RYR2: variants seen among roughly 807,000 people sequenced by gnomAD.
The protein encoded by RYR2 is ryanodine receptor 2.
Under a neutral mutation model 601.1 loss-of-function variants are expected in RYR2, and 227 were observed. The ratio of observed to expected loss-of-function variants is 0.38; its 90% CI spans 0.34 to 0.42. The LOEUF (loss-of-function observed/expected upper bound fraction) is 0.42. RYR2 is among the 10% of genes least tolerant of loss of function. RYR2 has a pLI of 1.00. For missense variants in RYR2, 4,646 were observed against 6,156.5 expected (o/e 0.75, Z 8.21); for synonymous variants, 2,223 against 2,175.1 (o/e 1.02, Z -0.61).
intron 25 of RYR2, among the ~76,000 whole-genome samples, chr1:237,538,236 A>T (rs889682509): frequency 1.3e-5 from 2 of 150,970 alleles, no homozygotes; most frequent in Admixed American, 6.6e-5. Flanking sequence ...CTAAAAATAA[A>T]AAAAAAAAAT....
At chr1:237,306,654 T>C (rs181086765) in intron 2 of RYR2, among the ~76,000 whole-genome samples, 2 of 152,376 alleles carry the variant, frequency 1.3e-5, no homozygotes, top group Admixed American at 1.3e-4. Flanking sequence ...GTGTGGGTTT[T>C]AGTTTTCATG....
rs533443202 is a variant in RYR2, at chr1:237,397,300, G to A, written c.773+9117G>A. 3.3e-5 allele frequency among the ~76,000 whole-genome samples: 5 copies of A among 152,072 alleles called. No individual in the cohort carries two copies. In the South Asian group the frequency reaches 1.0e-3, roughly 32 times the overall value. Reference sequence around the variant, plus strand: ...GTTAACAGAGAAGACAAAAATCTATGAAATATTTTACAGAGGTTAATTCTA... The same window carrying A: ...GTTAACAGAGAAGACAAAAATCTATAAAATATTTTACAGAGGTTAATTCTA... On this transcript the variant is annotated intron_variant, in intron 10 of 104. Transcript: ENST00000366574.
intron 1 of RYR2, among the ~76,000 whole-genome samples, chr1:237,132,606 A>C (rs1461850798): frequency 6.6e-6 from 1 of 152,214 alleles, no homozygotes; most frequent in Non-Finnish European, 1.5e-5. Context: ...AAAGAATGGC[A>C]AAAAATGACA....
chr1:237,615,077 C>A (rs1678323054), intron 37 of RYR2, among the ~76,000 whole-genome samples: 1 of 152,146 alleles, frequency 6.6e-6, no homozygotes, highest in Non-Finnish European at 1.5e-5. Context: ...GAAATACAAG[C>A]CATCAAATAC....
At chr1:237,469,024 A>C in intron 16 of RYR2, 68 bp from the exon 17 acceptor site, 2 of 1,269,982 alleles carry the variant, frequency 1.6e-6, no homozygotes, top group Admixed American at 1.7e-5. Flanking sequence ...TTAGGGCTGC[A>C]TATTAGCTTA....
At chr1:237,229,943 A>G (rs544479266) in intron 1 of RYR2, among the ~76,000 whole-genome samples, 24 of 152,232 alleles carry the variant, frequency 1.6e-4, no homozygotes, top group African/African-American at 5.5e-4. Flanking sequence ...GTGTGTGCTC[A>G]TATATAACGT....
chr1:237,827,735 GAGACCATCCTGGC>G lies in RYR2; in HGVS notation c.14591-645_14591-633del, dbSNP rs2102917158. On this transcript the variant is annotated intron_variant, in intron 101 of 104. Coordinates refer to ENST00000366574, the MANE Select transcript of RYR2 (RefSeq NM_001035.3). ...AGGCGGATCACAAGGCCAGGAGATC[GAGACCATCCTGGC>G]TAACACGGTGAAACCCTGTCTCTCC... Among the ~76,000 whole-genome samples, 3 of 151,514 alleles carry G rather than the reference GAGACCATCCTGGC, an allele frequency of 2.0e-5. 1 individual carries two copies. The South Asian group carries it at 6.3e-4, about 32-fold the overall frequency.
At chr1:237,064,699 T>C (rs564517814) in intron 1 of RYR2, among the ~76,000 whole-genome samples, 1 of 151,616 alleles carries the variant, frequency 6.6e-6, no homozygotes, top group African/African-American at 2.4e-5. Flanking sequence ...TGAGGTCTCA[T>C]GTGAATACCT....
chr1:237,779,506 G>A lies in RYR2; in HGVS notation c.11880+736G>A, dbSNP rs116785856. 7.7e-3 allele frequency among the ~76,000 whole-genome samples: 1,169 copies of A among 152,296 alleles called. 13 individuals carry two copies. Among genetic ancestry groups the A allele is most frequent in the African/African-American group, 0.026 (1,084 of 41,556 alleles). On this transcript the variant is annotated intron_variant, in intron 88 of 104. Transcript: ENST00000366574. ...CAGGTAGAAGAATGTCAGATTAAAA[G>A]ACAGAATGCTGTCATTCTAATTCCT...
chr1:237,361,450 G>C (rs1699777267), intron 4 of RYR2, among the ~76,000 whole-genome samples: 2 of 152,098 alleles, frequency 1.3e-5, no homozygotes, highest in South Asian at 2.1e-4. Flanking sequence ...GCTTAAATTT[G>C]ATGTATATTT....
chr1:237,637,100 A>G (rs976794329), intron 44 of RYR2, among the ~76,000 whole-genome samples: 3 of 152,188 alleles, frequency 2.0e-5, no homozygotes, highest in East Asian at 3.9e-4. Context: ...CGTCTTGATT[A>G]TGGTGTGTTC....
chr1:237,429,010 G>A (rs1004226397), intron 12 of RYR2, among the ~76,000 whole-genome samples: 2 of 150,118 alleles, frequency 1.3e-5, no homozygotes, highest in Non-Finnish European at 3.0e-5. Flanking sequence ...CCCTTAATTG[G>A]ACATTCATTT....
intron 1 of RYR2, among the ~76,000 whole-genome samples, chr1:237,092,756 C>T (rs1039212077): frequency 6.6e-6 from 1 of 152,174 alleles, no homozygotes; most frequent in Non-Finnish European, 1.5e-5. Flanking sequence ...GTCTTGAACT[C>T]TTGACCTCTA....
At chr1:237,549,827 C>G (rs1472895971) in intron 26 of RYR2, among the ~76,000 whole-genome samples, 1 of 151,922 alleles carries the variant, frequency 6.6e-6, no homozygotes, top group Non-Finnish European at 1.5e-5. Flanking sequence ...GCCCTACACA[C>G]TTGTAGGAGT....
chr1:237,581,453 T>C (rs1402382576), intron 29 of RYR2, among the ~76,000 whole-genome samples: 1 of 152,078 alleles, frequency 6.6e-6, no homozygotes. Context: ...TTAAAATAGC[T>C]GTATAGCTGT....
At chr1:237,829,886 C>T (rs1182666321) in intron 102 of RYR2, 1 of 152,114 alleles carries the variant, frequency 6.6e-6, no homozygotes, top group African/African-American at 2.4e-5. Flanking sequence ...GCAGGTGCCC[C>T]TCTACAGGGT....
At chr1:237,661,680 T>C (rs1683814006) in intron 56 of RYR2, among the ~76,000 whole-genome samples, 1 of 152,104 alleles carries the variant, frequency 6.6e-6, no homozygotes, top group Non-Finnish European at 1.5e-5. Context: ...ATGATCCAGA[T>C]TTAGAAGGCA....
intron 10 of RYR2, among the ~76,000 whole-genome samples, chr1:237,406,296 T>C (rs1247963025): frequency 6.7e-6 from 1 of 149,140 alleles, no homozygotes; most frequent in Admixed American, 6.7e-5. Context: ...TGTTCGTGTC[T>C]TTCTTACCAT....
rs955332151 is a variant in RYR2, at chr1:237,831,190, T to G, written c.14757-324T>G. Among the ~76,000 whole-genome samples, 40 of 152,192 alleles carry G rather than the reference T, an allele frequency of 2.6e-4. 1 individual carries two copies. Among genetic ancestry groups the G allele is most frequent in the African/African-American group, 9.4e-4 (39 of 41,456 alleles). ...GCATTATAGGGAAAAAAAATTGGCT[T>G]AACTATACTCAGTGGAACTTGATCA... On this transcript the variant is annotated intron_variant, in intron 103 of 104. Coordinates refer to ENST00000366574, the MANE Select transcript of RYR2 (RefSeq NM_001035.3).
Sources: allele counts gnomAD v4.1 joint callset (sites outside exome capture counted in the v4.1 genomes callset), GRCh38; gene constraint gnomAD v4.1.1; transcripts MANE v1.5; gene names NCBI Gene and HGNC (gene_info 2026-07-23, HGNC 2026-07-21).